The following NCKAP5 variants were observed in gnomAD, a reference collection of about 807,000 sequenced individuals.
NCKAP5 encodes the protein nck-associated protein 5.
Under a neutral mutation model 167.0 loss-of-function variants are expected in NCKAP5, and 92 were observed. The ratio of observed to expected loss-of-function variants is 0.55; its 90% confidence interval spans 0.47 to 0.66. NCKAP5 has a LOEUF of 0.66. Ranked by LOEUF, NCKAP5 falls within the 30% of genes least tolerant of loss-of-function variation. NCKAP5 has a pLI of 0.00. For synonymous variants in NCKAP5, 891 were observed against 877.4 expected (o/e 1.02, Z -0.27); for missense variants, 2,378 against 2,315.0 (o/e 1.03, Z -0.56).
intron 12 of NCKAP5, among the ~76,000 whole-genome samples, chr2:132,791,419 G>T (rs1349266193): frequency 6.6e-6 from 1 of 152,176 alleles, no homozygotes; most frequent in East Asian, 1.9e-4. Flanking sequence ...TAAGGCAAGG[G>T]TGACAAATAA....
intron 8 of NCKAP5, among the ~76,000 whole-genome samples, chr2:132,910,059 C>G (rs897052301): frequency 6.6e-6 from 1 of 152,148 alleles, no homozygotes; most frequent in African/African-American, 2.4e-5. Flanking sequence ...AGTCAGTATT[C>G]AGACTCAGGG....
chr2:133,382,120 G>T (rs1559434702), intron 3 of NCKAP5, among the ~76,000 whole-genome samples: 2 of 152,160 alleles, frequency 1.3e-5, no homozygotes, highest in Non-Finnish European at 2.9e-5. Context: ...TCTTCACACA[G>T]TTATGCAGGG....
intron 4 of NCKAP5, among the ~76,000 whole-genome samples, chr2:133,281,645 A>G (rs2089940220): frequency 6.6e-6 from 1 of 152,212 alleles, no homozygotes; most frequent in Non-Finnish European, 1.5e-5. Flanking sequence ...ATATTCTAGG[A>G]ACTTAAAGAA....
At chr2:133,043,884 T>C (rs1392726768) in intron 6 of NCKAP5, among the ~76,000 whole-genome samples, 1 of 151,470 alleles carries the variant, frequency 6.6e-6, no homozygotes, top group Admixed American at 6.6e-5. Context: ...TTTTTTTTGA[T>C]TGACTAAAAG....
chr2:133,535,944 GA>G (rs1350302847), intron 2 of NCKAP5, among the ~76,000 whole-genome samples: 1 of 152,042 alleles, frequency 6.6e-6, no homozygotes, highest in Non-Finnish European at 1.5e-5. Flanking sequence ...GTCTTCTTTT[GA>G]AAAATGTCTG....
At chr2:132,793,971 A>G (rs1352950453) in intron 12 of NCKAP5, among the ~76,000 whole-genome samples, 1 of 151,828 alleles carries the variant, frequency 6.6e-6, no homozygotes, top group Admixed American at 6.6e-5. Flanking sequence ...ACTGCAGTAA[A>G]TAACTGTTCT....
chr2:132,830,051 T>C (rs988358790), intron 11 of NCKAP5, among the ~76,000 whole-genome samples: 2 of 152,276 alleles, frequency 1.3e-5, no homozygotes, highest in African/African-American at 4.8e-5. Context: ...AAACACAAGC[T>C]TTCTGCTCCT....
intron 3 of NCKAP5, among the ~76,000 whole-genome samples, chr2:133,328,913 G>T (rs1489824979): frequency 6.6e-6 from 1 of 152,052 alleles, no homozygotes; most frequent in Non-Finnish European, 1.5e-5. Context: ...TTGCCCTAGG[G>T]TGTCCATAAT....
intron 11 of NCKAP5, among the ~76,000 whole-genome samples, chr2:132,807,012 G>T (rs78822457): frequency 0.049 from 7,501 of 152,152 alleles, 373 homozygotes; most frequent in East Asian, 0.13. Context: ...GTTGAAAAGG[G>T]TGTCTTCTCC....
intron 8 of NCKAP5, among the ~76,000 whole-genome samples, chr2:132,947,695 C>G (rs946988192): frequency 3.3e-5 from 5 of 152,116 alleles, no homozygotes; most frequent in African/African-American, 1.2e-4. Flanking sequence ...GGCTCACTGT[C>G]TCAGCCCTCC....
chr2:133,509,732 A>G (rs1162760859), intron 3 of NCKAP5, among the ~76,000 whole-genome samples: 1 of 152,142 alleles, frequency 6.6e-6, no homozygotes, highest in Admixed American at 6.5e-5. Context: ...CTGGCATCCA[A>G]TGGGTAGAAG....
At chr2:132,788,470 C>A (rs1683778073) in intron 13 of NCKAP5, among the ~76,000 whole-genome samples, 1 of 152,188 alleles carries the variant, frequency 6.6e-6, no homozygotes, top group South Asian at 2.1e-4. Flanking sequence ...CCTTCTGGCG[C>A]CTGGCTCTGC....
At chr2:132,927,802 A>G (rs1696027704) in intron 8 of NCKAP5, among the ~76,000 whole-genome samples, 2 of 152,152 alleles carry the variant, frequency 1.3e-5, no homozygotes, top group Non-Finnish European at 2.9e-5. Context: ...GCATAAGATC[A>G]TATCATCAGT....
At chr2:132,722,459 C>T (rs1678825589) in intron 19 of NCKAP5, among the ~76,000 whole-genome samples, 1 of 152,202 alleles carries the variant, frequency 6.6e-6, no homozygotes, top group Non-Finnish European at 1.5e-5. Flanking sequence ...CAGCCCTCCT[C>T]TTCCTTCACA....
chr2:133,550,377 C>A (rs1687182165), intron 2 of NCKAP5, among the ~76,000 whole-genome samples: 3 of 151,464 alleles, frequency 2.0e-5, no homozygotes, highest in African/African-American at 4.9e-5. Flanking sequence ...AATCCAGCAG[C>A]ACATCAAAAA....
intron 5 of NCKAP5, among the ~76,000 whole-genome samples, chr2:133,165,318 C>G (rs2083954529): frequency 6.6e-6 from 1 of 152,220 alleles, no homozygotes; most frequent in African/African-American, 2.4e-5. Context: ...AGCTCAGGTT[C>G]AAGATGCTCA....
intron 16 of NCKAP5, among the ~76,000 whole-genome samples, chr2:132,769,800 C>T (rs371643333): frequency 8.9e-4 from 135 of 152,304 alleles, no homozygotes; most frequent in African/African-American, 3.1e-3. Flanking sequence ...TATGGGGGAA[C>T]TCTAGTGATG....
chr2:133,607,003 T>C, the NCKAP5 span, among the ~76,000 whole-genome samples: 1 of 152,182 alleles, frequency 6.6e-6, no homozygotes, highest in Non-Finnish European at 1.5e-5. Context: ...AAGGTTGCTG[T>C]GGGAGCTTGA....
intron 3 of NCKAP5, among the ~76,000 whole-genome samples, chr2:133,308,689 C>CTTTTTTTTTT (rs35760716): frequency 6.7e-5 from 4 of 59,278 alleles, no homozygotes; most frequent in Non-Finnish European, 1.0e-4. Flanking sequence ...AAATACAATT[C>CTTTTTTTTTT]TTTTTTTTTT....
Sources: gnomAD v4.1 joint callset for allele counts (sites outside exome capture counted in the v4.1 genomes callset) on GRCh38, gnomAD v4.1.1 for gene constraint, MANE v1.5 for transcripts, NCBI Gene and HGNC (gene_info 2026-07-23, HGNC 2026-07-21) for gene names.